Variants in KCNMA1 observed in about 807,000 individuals in gnomAD.
KCNMA1 encodes potassium calcium-activated channel subfamily M alpha 1.
In KCNMA1, 29 loss-of-function variants were observed where a neutral mutation model predicts 140.0. That is an observed-to-expected ratio of 0.21 (90% CI 0.15 to 0.28). KCNMA1 has a LOEUF of 0.28. Ranked by LOEUF, KCNMA1 falls within the 10% of genes least tolerant of loss-of-function variation. KCNMA1 has a pLI of 1.00. For synonymous variants in KCNMA1, 612 were observed against 611.9 expected (o/e 1.00, Z 0.00); for missense variants, 880 against 1,602.2 (o/e 0.55, Z 7.70).
intron 1 of KCNMA1, among the ~76,000 whole-genome samples, chr10:77,432,403 A>G (rs1466170949): frequency 6.6e-6 from 1 of 152,148 alleles, no homozygotes; most frequent in Non-Finnish European, 1.5e-5. Context: ...TTATTTCCCC[A>G]TTTCACAACT....
chr10:77,522,242 C>T (rs1356278), intron 1 of KCNMA1, among the ~76,000 whole-genome samples: 22,723 of 150,636 alleles, frequency 0.15, 2,442 homozygotes, highest in East Asian at 0.52. Flanking sequence ...TCCCATGAGC[C>T]ATGAGCCATC....
intron 2 of KCNMA1, among the ~76,000 whole-genome samples, chr10:77,261,998 T>A (rs545006667): frequency 6.6e-6 from 1 of 152,326 alleles, no homozygotes; most frequent in African/African-American, 2.4e-5. Context: ...AAGTTGCCAC[T>A]CACTGTCACC....
rs1597201576 is a variant in KCNMA1, at chr10:77,148,079, C to T, written c.809-27031G>A. Among the ~76,000 whole-genome samples the T allele has an allele frequency of 2.0e-5, 3 of 152,110 alleles. No homozygotes were observed. In the East Asian group the frequency reaches 5.8e-4, roughly 29 times the overall value. On this transcript the variant is annotated intron_variant, in intron 5 of 27. Coordinates refer to ENST00000286628, the MANE Select transcript of KCNMA1 (RefSeq NM_001161352.2). ...TGCATAGCCCTGGGAATGAGCCACC[C>T]TCATGTTTGCACCCAGGCCTCTCTC...
intron 5 of KCNMA1, among the ~76,000 whole-genome samples, chr10:77,151,574 A>G (rs751010630): frequency 6.6e-6 from 1 of 152,132 alleles, no homozygotes; most frequent in Non-Finnish European, 1.5e-5. Flanking sequence ...AACAAATGCT[A>G]GTGTACACAG....
intron 2 of KCNMA1, among the ~76,000 whole-genome samples, chr10:77,296,916 G>GA (rs1035610440): frequency 6.7e-6 from 1 of 149,846 alleles, no homozygotes; most frequent in Non-Finnish European, 1.5e-5. Flanking sequence ...TGTGGGCGGG[G>GA]GGGCGGTGGG....
At chr10:77,391,127 C>G (rs2095804830) in intron 2 of KCNMA1, among the ~76,000 whole-genome samples, 2 of 152,190 alleles carry the variant, frequency 1.3e-5, no homozygotes, top group Non-Finnish European at 2.9e-5. Context: ...CTGCTGAATC[C>G]TGGGCTGCTC....
chr10:77,483,042 C>CA (rs2098419630), intron 1 of KCNMA1, among the ~76,000 whole-genome samples: 1 of 133,310 alleles, frequency 7.5e-6, no homozygotes, highest in African/African-American at 2.8e-5. Context: ...ACACACACAC[C>CA]CCTTGTTCTT....
chr10:77,619,879 C>T (rs1049926630), intron 1 of KCNMA1, among the ~76,000 whole-genome samples: 1 of 152,154 alleles, frequency 6.6e-6, no homozygotes, highest in African/African-American at 2.4e-5. Context: ...GCATTCCCAG[C>T]AAGATGAGCT....
chr10:77,043,875 G>A (rs774432037), intron 14 of KCNMA1, among the ~76,000 whole-genome samples: 1 of 152,330 alleles, frequency 6.6e-6, no homozygotes, highest in Non-Finnish European at 1.5e-5. Context: ...AACTGAGACA[G>A]TGTCCGTTTT....
intron 29 of KCNMA1, among the ~76,000 whole-genome samples, chr10:76,879,293 C>G (rs1382517744): frequency 6.6e-6 from 1 of 152,146 alleles, no homozygotes. Flanking sequence ...AATGCGGCAG[C>G]TCAGTTTACC....
intron 1 of KCNMA1, among the ~76,000 whole-genome samples, chr10:77,428,171 T>C (rs1255552564): frequency 6.6e-6 from 1 of 152,148 alleles, no homozygotes; most frequent in Admixed American, 6.6e-5. Flanking sequence ...TCAAGGACAA[T>C]GCCCCTCTCT....
chr10:77,406,375 G>C (rs748152267), intron 1 of KCNMA1, among the ~76,000 whole-genome samples: 2 of 152,138 alleles, frequency 1.3e-5, no homozygotes, highest in Non-Finnish European at 2.9e-5. Flanking sequence ...ATTAAACAGT[G>C]TCCAATAGCA....
At chr10:77,317,237 A>T (rs2081119448) in intron 2 of KCNMA1, among the ~76,000 whole-genome samples, 1 of 152,050 alleles carries the variant, frequency 6.6e-6, no homozygotes, top group African/African-American at 2.4e-5. Flanking sequence ...TGACCACCTG[A>T]CTCACCGAAT....
At chr10:77,613,530 C>A (rs2087868762) in intron 1 of KCNMA1, among the ~76,000 whole-genome samples, 1 of 152,186 alleles carries the variant, frequency 6.6e-6, no homozygotes, top group South Asian at 2.1e-4. Context: ...TTATAGGAGG[C>A]GGTTCAGACC....
At chr10:77,172,692 C>CA (rs139583823) in intron 5 of KCNMA1, among the ~76,000 whole-genome samples, 11 of 54,008 alleles carry the variant, frequency 2.0e-4, no homozygotes, top group East Asian at 8.9e-4. Flanking sequence ...AATTCTTTCT[C>CA]AAAAAAAAAC....
chr10:77,270,710 G>C (rs1193349595), intron 2 of KCNMA1, among the ~76,000 whole-genome samples: 1 of 150,816 alleles, frequency 6.6e-6, no homozygotes, highest in Non-Finnish European at 1.5e-5. Context: ...TTTCAGTAGA[G>C]TTGGGGTTTC....
chr10:76,983,351 T>C (rs1234208127), intron 19 of KCNMA1, among the ~76,000 whole-genome samples: 1 of 152,070 alleles, frequency 6.6e-6, no homozygotes, highest in South Asian at 2.1e-4. Flanking sequence ...CTGAGAAAAG[T>C]TTAAAAACTC....
At chr10:76,923,832 A>C (rs915132902) in intron 23 of KCNMA1, among the ~76,000 whole-genome samples, 7 of 152,068 alleles carry the variant, frequency 4.6e-5, no homozygotes, top group Non-Finnish European at 1.0e-4. Flanking sequence ...AAAACAAACA[A>C]ACAAACAAAC....
intron 1 of KCNMA1, among the ~76,000 whole-genome samples, chr10:77,409,741 C>T (rs1347189216): frequency 1.3e-5 from 2 of 152,170 alleles, no homozygotes; most frequent in African/African-American, 4.8e-5. Flanking sequence ...TGGCTGTCTC[C>T]GTCTCTCATC....
Sources: gnomAD v4.1 joint callset for allele counts (sites outside exome capture counted in the v4.1 genomes callset) on GRCh38, gnomAD v4.1.1 for gene constraint, MANE v1.5 for transcripts, NCBI Gene and HGNC (gene_info 2026-07-23, HGNC 2026-07-21) for gene names.